The following PBX1 variants were observed in gnomAD, a reference collection of about 807,000 sequenced individuals.
The protein encoded by PBX1 is PBX homeobox 1, also known as pre-B-cell leukemia transcription factor 1.
PBX1 carries 6 observed loss-of-function variants against 53.4 expected under a neutral mutation model. The observed-to-expected ratio is 0.11, with a 90% CI of 0.06 to 0.22. The LOEUF (loss-of-function observed/expected upper bound fraction) is 0.22. Ranked by LOEUF, PBX1 falls within the 10% of genes least tolerant of loss-of-function variation. PBX1 has a pLI of 1.00. For missense variants in PBX1, 251 were observed against 551.4 expected, an observed-to-expected ratio of 0.46 and a Z score of 5.46; for synonymous variants, 204 against 212.3, an observed-to-expected ratio of 0.96 and a Z score of 0.34.
chr1:164,640,555 TG>T (rs112790504), intron 2 of PBX1, among the ~76,000 whole-genome samples: 1,076 of 39,656 alleles, frequency 0.027, 11 homozygotes, highest in Middle Eastern at 0.077. Context: ...GTTTTTTTTT[TG>T]TGTTTTTTTT....
At chr1:164,722,346 G>T (rs1168197792) in intron 2 of PBX1, among the ~76,000 whole-genome samples, 1 of 152,092 alleles carries the variant, frequency 6.6e-6, no homozygotes, top group African/African-American at 2.4e-5. Flanking sequence ...TTACTTAGTG[G>T]AGAGTGCTGG....
At chr1:164,774,452 T>C (rs1667548890) in intron 2 of PBX1, 2 of 152,194 alleles carry the variant, frequency 1.3e-5, no homozygotes, top group Non-Finnish European at 2.9e-5. Flanking sequence ...CTGGTTCAAA[T>C]TCCTTTGTGA....
At chr1:164,871,450 A>G (rs566577782) in intron 2 of PBX1, among the ~76,000 whole-genome samples, 1 of 152,364 alleles carries the variant, frequency 6.6e-6, no homozygotes, top group African/African-American at 2.4e-5. Context: ...TGTAATGTGC[A>G]TATGCACACA....
intron 8 of PBX1, among the ~76,000 whole-genome samples, chr1:164,844,815 G>A (rs1671488059): frequency 3.9e-5 from 6 of 152,140 alleles, no homozygotes. Context: ...ATACTACAGA[G>A]TCTTTGCCCC....
intron 2 of PBX1, among the ~76,000 whole-genome samples, chr1:164,578,652 A>G (rs1164248364): frequency 6.6e-6 from 1 of 152,158 alleles, no homozygotes. Context: ...ATCACTCCCA[A>G]AGCCCATGAC....
intron 2 of PBX1, chr1:164,625,866 T>A: frequency 1.2e-5 from 9 of 779,412 alleles, no homozygotes; most frequent in Non-Finnish European, 1.3e-5. Context: ...TCCCCCACCC[T>A]CCTTCTGCCT....
intron 2 of PBX1, among the ~76,000 whole-genome samples, chr1:164,606,859 A>G (rs1460582319): frequency 1.3e-5 from 2 of 152,266 alleles, no homozygotes; most frequent in African/African-American, 2.4e-5. Context: ...ACATATAACA[A>G]GTTTTTTTAT....
intron 2 of PBX1, among the ~76,000 whole-genome samples, chr1:164,634,002 G>C (rs943742149): frequency 1.3e-5 from 2 of 152,208 alleles, no homozygotes; most frequent in Non-Finnish European, 2.9e-5. Flanking sequence ...TGTTGTAACA[G>C]TCCCGGGTGG....
intron 2 of PBX1, among the ~76,000 whole-genome samples, chr1:164,625,685 T>A (rs997995896): frequency 2.6e-5 from 4 of 151,964 alleles, no homozygotes; most frequent in South Asian, 2.1e-4. Context: ...TTGAAGCTCA[T>A]AAGATCTTTC....
At chr1:164,723,394 G>A (rs994541549) in intron 2 of PBX1, among the ~76,000 whole-genome samples, 12 of 152,010 alleles carry the variant, frequency 7.9e-5, no homozygotes, top group Non-Finnish European at 1.3e-4. Flanking sequence ...TGGCAGTCTC[G>A]CAAACACTGG....
At chr1:164,756,940 C>A (rs1395351804) in intron 2 of PBX1, among the ~76,000 whole-genome samples, 2 of 152,210 alleles carry the variant, frequency 1.3e-5, no homozygotes, top group Non-Finnish European at 2.9e-5. Context: ...CATTAAATAA[C>A]TCAGCATTCT....
intron 2 of PBX1, among the ~76,000 whole-genome samples, chr1:164,637,393 C>T (rs917260623): frequency 3.3e-5 from 5 of 152,116 alleles, no homozygotes; most frequent in South Asian, 2.1e-4. Flanking sequence ...GTGGGTCTAG[C>T]GTGAAAGCAG....
At chr1:164,618,297 C>CGGG (rs141131624) in intron 2 of PBX1, among the ~76,000 whole-genome samples, 3 of 18,106 alleles carry the variant, frequency 1.7e-4, no homozygotes, top group African/African-American at 3.6e-4. Context: ...ATAATCACGG[C>CGGG]GGGGGGGGGG....
intron 8 of PBX1, among the ~76,000 whole-genome samples, chr1:164,834,496 A>G (rs1300334622): frequency 6.6e-6 from 1 of 151,500 alleles, no homozygotes; most frequent in Non-Finnish European, 1.5e-5. Context: ...GGCATGCCCC[A>G]CCACGCCTGG....
rs1180693724 is a variant in PBX1, at chr1:164,746,422, G to A, written c.266-46072G>A. ...GATGGAGTCTTGCTCTGTTGCCCAG[G>A]CTGGAGTGTAGTGGCACGATCTCAG... On this transcript the variant is annotated intron_variant, in intron 2 of 8. Coordinates refer to ENST00000420696, the MANE Select transcript of PBX1 (RefSeq NM_002585.4). Among the ~76,000 whole-genome samples, 13 of 152,186 alleles carry A rather than the reference G, an allele frequency of 8.5e-5. 2 individuals are homozygous for A. Among genetic ancestry groups the A allele is most frequent in the Admixed American group, 8.5e-4 (13 of 15,288 alleles).
At chr1:164,660,798 A>G (rs1660444802) in intron 2 of PBX1, among the ~76,000 whole-genome samples, 1 of 152,166 alleles carries the variant, frequency 6.6e-6, no homozygotes, top group African/African-American at 2.4e-5. Context: ...TCTTCATTTT[A>G]ACAATAATAT....
rs193122601 is a variant in PBX1, at chr1:164,882,577, A to G, written n.258-16611A>G. Among the ~76,000 whole-genome samples the G allele has an allele frequency of 8.6e-4, 131 of 152,280 alleles. 1 individual carries two copies. Among genetic ancestry groups the G allele is most frequent in the Admixed American group, 2.2e-3 (34 of 15,302 alleles). On this transcript the variant is annotated intron_variant and non_coding_transcript_variant, in intron 2 of 2. Coordinates refer to the PBX1 transcript ENST00000558796. ...AGAGTACTTTCTACTGAACTAACGC[A>G]TATTTTTTTACTTTAATATTCTATA...
chr1:164,853,090 C>G (rs1260493774), downstream of PBX1, among the ~76,000 whole-genome samples: 1 of 152,186 alleles, frequency 6.6e-6, no homozygotes, highest in East Asian at 1.9e-4. Flanking sequence ...GTCATTGCCT[C>G]TCCTTGAAGT....
rs1329592158 is a variant in PBX1 at position 164,850,722 on chromosome 1, C to T, written c.*4046C>T. On this transcript the variant is annotated 3_prime_UTR_variant, in exon 9 of 9. Coordinates refer to ENST00000420696, the MANE Select transcript of PBX1 (RefSeq NM_002585.4). ...ACCTGCATTTCCAGAGAGTGTGACA[C>T]TCATGCAGTCCCTGAGAAAAATAAA... 5.1e-6 allele frequency: 1 copy of T among 197,424 alleles called. No individual in the cohort carries two copies. The highest frequency in any genetic ancestry group is 1.0e-5 in the Non-Finnish European group (1 of 95,268). 12.2% of individuals were successfully genotyped at this position (197,424 alleles called of 1,614,324 possible). A position where few individuals can be genotyped will look rare whatever the true frequency, so the allele number is the denominator to read the frequency against.
Sources: gnomAD v4.1 joint callset for allele counts (sites outside exome capture counted in the v4.1 genomes callset) on GRCh38, gnomAD v4.1.1 for gene constraint, MANE v1.5 for transcripts, NCBI Gene and HGNC (gene_info 2026-07-23, HGNC 2026-07-21) for gene names.